Variants in LNPK observed in about 807,000 individuals in gnomAD.
The protein encoded by LNPK is lunapark, ER junction formation factor.
LNPK carries 29 observed loss-of-function variants against 55.2 expected under a neutral mutation model. The ratio of observed to expected loss-of-function variants is 0.53; its 90% CI spans 0.39 to 0.72. LNPK has a LOEUF of 0.72. Among genes scored for constraint, LNPK ranks in the 30% least tolerant of loss-of-function variants. The pLI is 0.00. For missense variants in LNPK, 467 were observed against 494.8 expected (o/e 0.94, Z 0.53); for synonymous variants, 162 against 168.2 (o/e 0.96, Z 0.29).
intron 5 of LNPK, among the ~76,000 whole-genome samples, chr2:175,978,235 T>C (rs1687002355): frequency 6.6e-6 from 1 of 152,142 alleles, no homozygotes; most frequent in Non-Finnish European, 1.5e-5. Flanking sequence ...AGTATTACAT[T>C]GCATTAGAGA....
chr2:175,951,759 G>C (rs1189623918), intron 8 of LNPK, among the ~76,000 whole-genome samples: 2 of 151,598 alleles, frequency 1.3e-5, no homozygotes, highest in African/African-American at 2.4e-5. Flanking sequence ...CCCATAGTGG[G>C]ATTGCTGGAT....
chr2:175,997,703 C>CTTTATATGTGTGTGTGTGTG (rs1491566543), intron 1 of LNPK, among the ~76,000 whole-genome samples: 8 of 45,816 alleles, frequency 1.7e-4, no homozygotes, highest in African/African-American at 4.1e-4. Flanking sequence ...AAAACAAATG[C>CTTTATATGTGTGTGTGTGTG]TCTGTGTGTG....
At position 175,929,116 on chromosome 2, in the gene LNPK, A is replaced by G. The variant is rs1483352455; in HGVS notation, c.*851T>C. ...AGAAGACTAGATATTTAGCAAAATG[A>G]AACTGATGCCAGATTATTTTCATTT... is the stretch of plus-strand genomic sequence containing the variant. On this transcript the variant is annotated 3_prime_UTR_variant, in exon 13 of 13. Transcript: ENST00000272748. The G allele has an allele frequency of 1.0e-6, 1 of 985,374 alleles. No individual in the cohort carries two copies. The allele number at this position is 985,374 out of a possible 1,614,324, so 61.0% of individuals were successfully genotyped here. A position where few individuals can be genotyped will look rare whatever the true frequency, so the allele number is the denominator to read the frequency against.
At chr2:175,986,639 T>C (rs1480549179) in intron 4 of LNPK, among the ~76,000 whole-genome samples, 3 of 152,116 alleles carry the variant, frequency 2.0e-5, no homozygotes, top group Non-Finnish European at 4.4e-5. Context: ...TCAAGAATGA[T>C]TCAATATTTA....
intron 5 of LNPK, among the ~76,000 whole-genome samples, chr2:175,974,170 C>T (rs1168136430): frequency 1.3e-5 from 2 of 152,082 alleles, no homozygotes; most frequent in Admixed American, 6.6e-5. Flanking sequence ...ACAGCTATAA[C>T]GTCATTGCAT....
At chr2:175,937,651 T>G in intron 11 of LNPK, 137 bp from the exon 12 acceptor site, 1 of 597,166 alleles carries the variant, frequency 1.7e-6, no homozygotes, top group Middle Eastern at 4.5e-4. Flanking sequence ...ATTTAAATAA[T>G]AATATGGTAG....
chr2:175,967,025 C>T (rs550557121), intron 6 of LNPK, among the ~76,000 whole-genome samples: 156 of 152,182 alleles, frequency 1.0e-3, no homozygotes, highest in Non-Finnish European at 1.9e-3. Context: ...GATTCAGGAA[C>T]AAGAAACTAG....
chr2:175,981,373 A>G (rs1197626787), intron 4 of LNPK, among the ~76,000 whole-genome samples: 1 of 152,212 alleles, frequency 6.6e-6, no homozygotes, highest in Non-Finnish European at 1.5e-5. Flanking sequence ...AACACTCAGC[A>G]AAGAACTGAT....
chr2:175,984,885 A>C (rs149685323), intron 4 of LNPK, among the ~76,000 whole-genome samples: 158 of 152,352 alleles, frequency 1.0e-3, no homozygotes, highest in African/African-American at 3.3e-3. Context: ...GAAATGACTT[A>C]TGTTCATACA....
intron 12 of LNPK, among the ~76,000 whole-genome samples, chr2:175,932,833 G>A (rs1474221206): frequency 6.6e-6 from 1 of 152,094 alleles, no homozygotes; most frequent in Non-Finnish European, 1.5e-5. Context: ...CCATGAAGTT[G>A]TAGTTTAAAA....
chr2:175,941,295 A>G (rs1256585967), intron 9 of LNPK, among the ~76,000 whole-genome samples: 1 of 148,988 alleles, frequency 6.7e-6, no homozygotes, highest in Non-Finnish European at 1.5e-5. Context: ...TTATATTTAT[A>G]TTTATATTTA....
At position 175,947,588 on chromosome 2, in the gene LNPK, C is replaced by T. The variant is rs1685205742; in HGVS notation, c.598G>A (p.Asp200Asn). Residue 200 changes from aspartate to asparagine, a missense_variant, in exon 9 of 13, where the codon GAC becomes AAC. Physicochemically the swap from Asp to Asn is conservative, Grantham distance 23 (BLOSUM62 1). Transcript: ENST00000272748. ...GGGGGTCCACCAGGGGCAGAACTGT[C>T]CTTTGGTGGTCCAGGAGATACTGGA... ...QVPVSPGPPKDSSAPGGPPER... is the reference protein window; with the variant it reads ...QVPVSPGPPKNSSAPGGPPER... 6.2e-7 allele frequency: 1 copy of T among 1,613,878 alleles called. No individual in the cohort carries two copies. Among genetic ancestry groups the T allele is most frequent in the African/African-American group, 1.3e-5 (1 of 74,896 alleles).
At chr2:175,972,244 C>T (rs891276413) in intron 5 of LNPK, among the ~76,000 whole-genome samples, 5 of 152,196 alleles carry the variant, frequency 3.3e-5, no homozygotes, top group East Asian at 1.9e-4. Flanking sequence ...ACAAAATTTC[C>T]ACAAACTTTA....
At chr2:175,997,010 A>C (rs892587484) in intron 1 of LNPK, among the ~76,000 whole-genome samples, 2 of 152,204 alleles carry the variant, frequency 1.3e-5, no homozygotes, top group African/African-American at 4.8e-5. Context: ...CATATTTTTT[A>C]ACCATAAACG....
intron 5 of LNPK, among the ~76,000 whole-genome samples, chr2:175,978,344 T>C (rs1444246229): frequency 6.6e-6 from 1 of 152,128 alleles, no homozygotes; most frequent in Non-Finnish European, 1.5e-5. Flanking sequence ...TTGGGACCAA[T>C]CCCTCACAGA....
chr2:175,998,187 T>C (rs1688019655), intron 1 of LNPK, among the ~76,000 whole-genome samples: 1 of 152,104 alleles, frequency 6.6e-6, no homozygotes, highest in Non-Finnish European at 1.5e-5. Flanking sequence ...CTCACGCCTG[T>C]AATCCCAACA....
Position 175,929,928 on chromosome 2 carries a change from G to A in LNPK, c.*39C>T. ...AAAAAGCAATAACTGACATCAGTAA[G>A]ACTATAAATATCCAGTTGAAGGCAC... On this transcript the variant is annotated 3_prime_UTR_variant, in exon 13 of 13. Coordinates refer to ENST00000272748, the MANE Select transcript of LNPK (RefSeq NM_030650.3). 1 of 1,611,370 alleles carries A rather than the reference G, an allele frequency of 6.2e-7. No homozygotes were observed. Among genetic ancestry groups the A allele is most frequent in the Admixed American group, 1.7e-5 (1 of 59,770 alleles).
At position 175,928,141 on chromosome 2, in the gene LNPK, A is replaced by C. The variant is rs140156358; in HGVS notation, c.*1826T>G. On this transcript the variant is annotated 3_prime_UTR_variant, in exon 13 of 13. Coordinates refer to ENST00000272748, the MANE Select transcript of LNPK (RefSeq NM_030650.3). ...CTATGTATTTATATACATACATACA[A>C]TATAGAAAAGTTGATGCAAAAAACA... 38 of 152,296 alleles carry C rather than the reference A, an allele frequency of 2.5e-4. No homozygotes were observed. The East Asian group carries it at 6.0e-3, about 24-fold the overall frequency. 9.4% of individuals were successfully genotyped at this position (152,296 alleles called of 1,614,324 possible).
intron 12 of LNPK, among the ~76,000 whole-genome samples, chr2:175,936,000 AT>A (rs1260273336): frequency 6.6e-6 from 1 of 152,048 alleles, no homozygotes; most frequent in Non-Finnish European, 1.5e-5. Context: ...AAAGACTTCA[AT>A]TTTTCCTCTA....
Sources: gnomAD v4.1 joint callset for allele counts (sites outside exome capture counted in the v4.1 genomes callset) on GRCh38, gnomAD v4.1.1 for gene constraint, MANE v1.5 for transcripts, NCBI Gene and HGNC (gene_info 2026-07-23, HGNC 2026-07-21) for gene names.